Variants in CRTAP observed in about 807,000 individuals in gnomAD.
The protein encoded by CRTAP is cartilage associated protein.
In CRTAP, 33 loss-of-function variants were observed where a neutral mutation model predicts 42.7. The ratio of observed to expected loss-of-function variants is 0.77; its 90% CI spans 0.59 to 1.03. CRTAP has a LOEUF of 1.03. CRTAP is among the 50% of genes least tolerant of loss of function. The pLI is 0.00. For synonymous variants in CRTAP, 243 were observed against 217.7 expected (o/e 1.12, Z -1.02); for missense variants, 613 against 533.9 (o/e 1.15, Z -1.46).
chr3:33,114,279 G>C lies in CRTAP; in HGVS notation c.202G>C (p.Glu68Gln), dbSNP rs1438399704. 1 of 1,579,442 alleles carries C rather than the reference G, an allele frequency of 6.3e-7. No homozygotes were observed. The highest frequency in any genetic ancestry group is 8.5e-7 in the Non-Finnish European group (1 of 1,169,736). The change falls in exon 1 of 7, where the codon GAG (glutamate) becomes CAG (glutamine). Residue 68 changes from glutamate (E) to glutamine (Q), a missense_variant. By Grantham distance (29) the Glu-to-Gln change is conservative (BLOSUM62 2). Transcript: ENST00000320954. ...EHWAESVGYL[E>Q]ISLRLHRLLR... ...CTGGGCCGAGAGCGTGGGCTACCTG[G>C]AGATCAGCCTGCGGCTGCACCGCTT... is the stretch of plus-strand genomic sequence containing the variant.
chr3:33,114,586 C>T (rs949350747), intron 1 of CRTAP, 38 bp downstream of exon 1: 115 of 1,543,444 alleles, frequency 7.5e-5, no homozygotes, highest in Non-Finnish European at 1.0e-4. Flanking sequence ...CCCGGCCCCG[C>T]CCCTGACCCA....
chr3:33,131,190 G>A (rs1029959574), intron 4 of CRTAP, among the ~76,000 whole-genome samples: 2 of 151,676 alleles, frequency 1.3e-5, no homozygotes, highest in Non-Finnish European at 2.9e-5. Flanking sequence ...GTCTCAGGGT[G>A]CCTTGGGAAG....
rs369645334 is a variant in CRTAP at position 33,142,231 on chromosome 3, T to A, written c.1153-164T>A. 1.2e-3 allele frequency among the ~76,000 whole-genome samples: 185 copies of A among 152,262 alleles called. 3 individuals carry two copies. In the South Asian group the frequency reaches 0.035, roughly 29 times the overall value. On this transcript the variant is annotated intron_variant, in intron 6 of 6. Transcript: ENST00000320954. ...AAATGGAGTGGAAGCCGAGGTCCCC[T>A]CCACAGGGAGAAATCAGGTCCTCTG...
rs754205084 is a variant in CRTAP, at chr3:33,142,779, C to T, written c.*331C>T. On this transcript the variant is annotated 3_prime_UTR_variant, in exon 7 of 7. Transcript: ENST00000320954. ...AAGCAATTCTGCTGCATCAGCCTCCCGAGTACCTGGGATTACAGGCATGTG... is the reference window on the plus strand; with the variant it reads ...AAGCAATTCTGCTGCATCAGCCTCCTGAGTACCTGGGATTACAGGCATGTG... 3.3e-5 allele frequency: 9 copies of T among 276,036 alleles called. No homozygotes were observed. The highest frequency in any genetic ancestry group is 1.5e-4 in the East Asian group (2 of 12,976). The allele number at this position is 276,036 out of a possible 1,614,324, so 17.1% of individuals were successfully genotyped here.
intron 6 of CRTAP, among the ~76,000 whole-genome samples, chr3:33,139,557 A>G (rs1169116481): frequency 2.0e-5 from 3 of 150,932 alleles, no homozygotes; most frequent in South Asian, 2.1e-4. Context: ...GCTCACTGCA[A>G]CCTCCGCCTC....
In CRTAP at chr3:33,114,050, C is replaced by T. The variant is rs1449852531; in HGVS notation, c.-28C>T. On this transcript the variant is annotated 5_prime_UTR_variant, in exon 1 of 7. Transcript: ENST00000320954. ...CCCTCCCCTTTTCCCTTCCTTCGTC[C>T]CTTCCTTCCTTCCTTTCGCCGGGCG... 8.9e-6 allele frequency: 12 copies of T among 1,344,990 alleles called. No homozygotes were observed. In the East Asian group the frequency reaches 1.5e-4, roughly 17 times the overall value. 83.3% of individuals were successfully genotyped at this position (1,344,990 alleles called of 1,614,324 possible).
rs902950732 is a variant in CRTAP at position 33,118,279 on chromosome 3, T to C, written c.472-2065T>C. Among the ~76,000 whole-genome samples, 7 of 152,334 alleles carry C rather than the reference T, an allele frequency of 4.6e-5. No homozygotes were observed. The South Asian group carries it at 8.3e-4, about 18-fold the overall frequency. On this transcript the variant is annotated intron_variant, in intron 1 of 6. Transcript: ENST00000320954. ...CGGCCTCTGTGCCCCTCTTTCTAAG[T>C]GCTGTTCTGAGAATTAGTGACTCTA...
chr3:33,132,467 T>G, intron 4 of CRTAP, 88 bp from the exon 5 acceptor site: 751 of 1,440,352 alleles, frequency 5.2e-4, no homozygotes, highest in Non-Finnish European at 6.5e-4. Flanking sequence ...AGAAGGGGCT[T>G]GTTCATATGG....
rs1701315818 is a variant in CRTAP, at chr3:33,114,363, C to G, written c.286C>G (p.Pro96Ala). The change falls in exon 1 of 7, where the codon CCC (proline) becomes GCC (alanine). Residue 96 changes from proline to alanine, a missense_variant. Physicochemically the swap from Pro to Ala is conservative, Grantham distance 27. Transcript: ENST00000320954. ...RNCSAAPQPE[P>A]AAGLASYPEL... Reference sequence around the variant, plus strand: ...CTGCAGCGCCGCGCCGCAGCCCGAGCCCGCCGCCGGCCTCGCCAGCTATCC... The same window carrying G: ...CTGCAGCGCCGCGCCGCAGCCCGAGGCCGCCGCCGGCCTCGCCAGCTATCC... The G allele has an allele frequency of 1.3e-6, 2 of 1,522,448 alleles. No homozygotes were observed. Among genetic ancestry groups the G allele is most frequent in the Admixed American group, 2.0e-5 (1 of 49,832 alleles). The allele number at this position is 1,522,448 out of a possible 1,614,324, so 94.3% of individuals were successfully genotyped here.
rs1227411759 is a variant in CRTAP, at chr3:33,114,293, G to A, written c.216G>A (p.Arg72=). ...TGGGCTACCTGGAGATCAGCCTGCG[G>A]CTGCACCGCTTGCTGCGCGACAGCG... The part of the protein sequence containing the change: ...ESVGYLEISL[R]LHRLLRDSEA... The change falls in exon 1 of 7, where the codon CGG becomes CGA. Residue 72 remains arginine (R), a synonymous_variant. Coordinates refer to ENST00000320954, the MANE Select transcript of CRTAP (RefSeq NM_006371.5). 6.4e-7 allele frequency: 1 copy of A among 1,567,860 alleles called. No homozygotes were observed. The highest frequency in any genetic ancestry group is 1.8e-5 in the Admixed American group (1 of 55,584).
At chr3:33,141,227 A>C (rs914020783) in intron 6 of CRTAP, among the ~76,000 whole-genome samples, 5 of 152,194 alleles carry the variant, frequency 3.3e-5, no homozygotes, top group Admixed American at 3.3e-4. Context: ...AAAGCAAACA[A>C]TACCATCATC....
At chr3:33,121,047 A>G (rs968125760) in intron 2 of CRTAP, among the ~76,000 whole-genome samples, 10 of 152,090 alleles carry the variant, frequency 6.6e-5, no homozygotes, top group Non-Finnish European at 1.0e-4. Context: ...AGCACTCACT[A>G]TTGTCAAGGT....
intron 3 of CRTAP, among the ~76,000 whole-genome samples, chr3:33,127,940 G>A (rs951234965): frequency 4.6e-5 from 7 of 151,786 alleles, no homozygotes; most frequent in Non-Finnish European, 8.8e-5. Flanking sequence ...TAGAGACAGC[G>A]TTTTGCTGTG....
Position 33,146,903 on chromosome 3 carries a change from A to C in CRTAP, c.*4455A>C, listed in dbSNP as rs1444402285. 1 of 152,682 alleles carries C rather than the reference A, an allele frequency of 6.5e-6. No individual in the cohort carries two copies. Among genetic ancestry groups the C allele is most frequent in the African/African-American group, 2.4e-5 (1 of 41,458 alleles). The allele number at this position is 152,682 out of a possible 1,614,324, so 9.5% of individuals were successfully genotyped here. A position where few individuals can be genotyped will look rare whatever the true frequency, so the allele number is the denominator to read the frequency against. ...GAAGCTACTTCAGTTAAAAAAAAAA[A>C]AATCAATACTTAAACTGTAGGGAAA... On this transcript the variant is annotated 3_prime_UTR_variant, in exon 7 of 7. Coordinates refer to ENST00000320954, the MANE Select transcript of CRTAP (RefSeq NM_006371.5).
chr3:33,114,518 C>T lies in CRTAP; in HGVS notation c.441C>T (p.Pro147=). The T allele has an allele frequency of 6.2e-7, 1 of 1,603,918 alleles. No individual in the cohort carries two copies. Among genetic ancestry groups the T allele is most frequent in the South Asian group, 1.1e-5 (1 of 89,490 alleles). Residue 147 remains proline, a synonymous_variant, in exon 1 of 7, where the codon CCC becomes CCT. Transcript: ENST00000320954. ...EVLADFQRRE[P]YKFLQFAYFK... is the part of the protein sequence containing the mutation. ...TGGCGGACTTCCAGCGCCGCGAGCCCTACAAGTTCCTGCAGTTCGCTTACT... is the reference window on the plus strand; with the variant it reads ...TGGCGGACTTCCAGCGCCGCGAGCCTTACAAGTTCCTGCAGTTCGCTTACT...
rs1701320948 is a variant in CRTAP at position 33,114,527 on chromosome 3, C to G, written c.450C>G (p.Phe150Leu). ...ADFQRREPYK[F>L]LQFAYFKANN... ...TCCAGCGCCGCGAGCCCTACAAGTT[C>G]CTGCAGTTCGCTTACTTCAAGGCAA... is the stretch of plus-strand genomic sequence containing the variant. The change falls in exon 1 of 7, where the codon TTC becomes TTG. Residue 150 changes from phenylalanine (F) to leucine (L), a missense_variant. Transcript: ENST00000320954. 2 of 1,603,052 alleles carry G rather than the reference C, an allele frequency of 1.2e-6. No homozygotes were observed. The highest frequency in any genetic ancestry group is 8.5e-7 in the Non-Finnish European group (1 of 1,176,646).
chr3:33,130,141 T>G, intron 4 of CRTAP, 74 bp downstream of exon 4: 1 of 1,445,124 alleles, frequency 6.9e-7, no homozygotes, highest in Non-Finnish European at 9.7e-7. Flanking sequence ...GTAATAACTC[T>G]TAGCTACGGT....
intron 4 of CRTAP, among the ~76,000 whole-genome samples, chr3:33,132,111 A>C (rs1383616882): frequency 6.6e-6 from 1 of 152,094 alleles, no homozygotes; most frequent in Non-Finnish European, 1.5e-5. Flanking sequence ...TGGGTTTTCC[A>C]GGTCTGGTTT....
intron 4 of CRTAP, 33 bp downstream of exon 4, chr3:33,130,100 C>T (rs1397690784): frequency 6.2e-7 from 1 of 1,602,910 alleles, no homozygotes; most frequent in Admixed American, 1.7e-5. Flanking sequence ...TTGGGTGAGG[C>T]ACTTAGTCCT....
Sources: gnomAD v4.1 joint callset for allele counts (sites outside exome capture counted in the v4.1 genomes callset) on GRCh38, gnomAD v4.1.1 for gene constraint, MANE v1.5 for transcripts, NCBI Gene and HGNC (gene_info 2026-07-23, HGNC 2026-07-21) for gene names.